Variants in CTH observed in about 807,000 individuals in gnomAD.
The protein encoded by CTH is cystathionine gamma-lyase.
Under a neutral mutation model 50.6 loss-of-function variants are expected in CTH, and 41 were observed. The observed-to-expected ratio is 0.81, with a 90% confidence interval of 0.63 to 1.05. The LOEUF is 1.05. Ranked by LOEUF, CTH falls within the 50% of genes least tolerant of loss-of-function variation. The pLI is 0.00. For synonymous variants in CTH, 156 were observed against 168.9 expected (o/e 0.92, Z 0.59); for missense variants, 470 against 492.6 (o/e 0.95, Z 0.43).
intron 6 of CTH, 124 bp downstream of exon 6, chr1:70,429,975 A>T: frequency 1.4e-6 from 1 of 710,370 alleles, no homozygotes. Context: ...AGAGAGTAAA[A>T]AAAAAAATCC....
In CTH at chr1:70,438,695, A is replaced by ATGAC; in HGVS notation, c.1062_1065dup (p.His356AspfsTer7). 1 of 1,614,110 alleles carries ATGAC rather than the reference A, an allele frequency of 6.2e-7. No individual in the cohort carries two copies. Among genetic ancestry groups the ATGAC allele is most frequent in the Non-Finnish European group, 8.5e-7 (1 of 1,180,006 alleles). ...GCTCATGTCTTCTTTCAGGGCAATC[A>ATGAC]TGACTCATGCATCAGTTCTTAAGAA... is the stretch of plus-strand genomic sequence containing the variant. On this transcript the variant is annotated frameshift_variant, in exon 11 of 12. Coordinates refer to ENST00000370938, the MANE Select transcript of CTH (RefSeq NM_001902.6). LOFTEE classifies it high-confidence loss of function.
chr1:70,419,333 A>G (rs1179000858), intron 3 of CTH, among the ~76,000 whole-genome samples: 1 of 152,192 alleles, frequency 6.6e-6, no homozygotes, highest in African/African-American at 2.4e-5. Flanking sequence ...CTTTGGGTAT[A>G]TACCCAGTAA....
At chr1:70,430,806 G>C (rs1684455894) in intron 7 of CTH, 1 of 154,100 alleles carries the variant, frequency 6.5e-6, no homozygotes, top group Non-Finnish European at 1.4e-5. Flanking sequence ...GCCTCCCAAA[G>C]TGTTGGGATT....
intron 4 of CTH, among the ~76,000 whole-genome samples, chr1:70,422,057 T>C (rs1684236633): frequency 6.6e-6 from 1 of 152,214 alleles, no homozygotes; most frequent in South Asian, 2.1e-4. Context: ...ATGGTAATTG[T>C]TAAAAAAATT....
intron 3 of CTH, among the ~76,000 whole-genome samples, chr1:70,418,849 A>T (rs1186953621): frequency 6.6e-6 from 1 of 152,116 alleles, no homozygotes; most frequent in East Asian, 1.9e-4. Flanking sequence ...CTGAGTGATT[A>T]GCATTTTAAT....
At chr1:70,430,135 GT>G (rs1684431784) in intron 6 of CTH, among the ~76,000 whole-genome samples, 181 bp from the exon 7 acceptor site, 1 of 152,038 alleles carries the variant, frequency 6.6e-6, no homozygotes, top group Admixed American at 6.6e-5. Context: ...TTATTTTCTT[GT>G]TTTAGACATA....
Position 70,438,825 on chromosome 1 carries a change from C to A in CTH, c.1190C>A (p.Ala397Glu). The change falls in exon 11 of 12, where the codon GCA (alanine) becomes GAA (glutamate). Residue 397 changes from alanine (A) to glutamate (E), a missense_variant and splice_region_variant. Physicochemically the swap from Ala to Glu is moderately radical, Grantham distance 107 (BLOSUM62 -1). Transcript: ENST00000370938. Reference protein sequence around the residue: ...LEDLDQALKAAHPPSGSHS With the variant: ...LEDLDQALKAEHPPSGSHS ...GATCTAGATCAAGCTTTGAAGGCAG[C>A]AGTAAGTCTTATTATTGTGTGTGTG... is the stretch of plus-strand genomic sequence containing the variant. 1.2e-6 allele frequency: 2 copies of A among 1,602,576 alleles called. No individual in the cohort carries two copies. Among genetic ancestry groups the A allele is most frequent in the Non-Finnish European group, 1.7e-6 (2 of 1,177,758 alleles).
At position 70,414,128 on chromosome 1, in the gene CTH, CT is replaced by C. The variant is rs577575641; in HGVS notation, c.169-1816del. Among the ~76,000 whole-genome samples, 1,116 of 145,404 alleles carry C rather than the reference CT, an allele frequency of 7.7e-3. 9 individuals are homozygous for C. The highest frequency in any genetic ancestry group is 0.029 in the Middle Eastern group (8 of 276). On this transcript the variant is annotated intron_variant, in intron 1 of 11. Coordinates refer to ENST00000370938, the MANE Select transcript of CTH (RefSeq NM_001902.6). The stretch of plus-strand genomic sequence containing the variant: ...GTGGCAGAAGCCACGTGAATCCAAA[CT>C]TTTTTTTTTTTAATCTGCAGGGTAC...
At chr1:70,420,513 C>G (rs1684191976) in intron 3 of CTH, among the ~76,000 whole-genome samples, 1 of 152,134 alleles carries the variant, frequency 6.6e-6, no homozygotes, top group Admixed American at 6.5e-5. Context: ...GATGCTGCCG[C>G]TGATTTGACA....
chr1:70,433,772 C>T (rs367890728), intron 8 of CTH, 56 bp from the exon 9 acceptor site: 3 of 1,610,394 alleles, frequency 1.9e-6, no homozygotes, highest in Middle Eastern at 1.7e-4. Flanking sequence ...ACCCTCCCCC[C>T]CCAAAAATTA....
At chr1:70,438,051 A>C (rs1684634865) in intron 10 of CTH, among the ~76,000 whole-genome samples, 1 of 152,024 alleles carries the variant, frequency 6.6e-6, no homozygotes, top group Non-Finnish European at 1.5e-5. Flanking sequence ...TGGTTTCCCA[A>C]TTTTTACTGC....
chr1:70,415,524 A>G (rs1684071646), intron 1 of CTH, among the ~76,000 whole-genome samples: 1 of 152,242 alleles, frequency 6.6e-6, no homozygotes, highest in African/African-American at 2.4e-5. Context: ...AGATTAATGA[A>G]AAAAGGTGAG....
intron 2 of CTH, 91 bp from the exon 3 acceptor site, chr1:70,417,845 CT>C (rs771308286): frequency 4.3e-6 from 6 of 1,392,596 alleles, no homozygotes; most frequent in Non-Finnish European, 6.1e-6. Context: ...GGCTTCCTAT[CT>C]GCATTAAAGT....
chr1:70,427,834 T>C (rs961770260), intron 5 of CTH, among the ~76,000 whole-genome samples: 1 of 152,156 alleles, frequency 6.6e-6, no homozygotes, highest in Non-Finnish European at 1.5e-5. Context: ...TGTCTCAGCC[T>C]CCCGAGTAGC....
intron 8 of CTH, 107 bp from the exon 9 acceptor site, chr1:70,433,721 T>C: frequency 6.6e-7 from 1 of 1,520,676 alleles, no homozygotes. Context: ...ATAATCCTCG[T>C]CTTAGGCTTA....
intron 5 of CTH, among the ~76,000 whole-genome samples, chr1:70,429,229 T>A (rs1017194268): frequency 1.1e-4 from 17 of 152,338 alleles, no homozygotes; most frequent in African/African-American, 4.1e-4. Context: ...TTTTTCCAAG[T>A]ATTTTTTTAC....
Position 70,421,234 on chromosome 1 carries a change from G to A in CTH, c.347-332G>A, listed in dbSNP as rs74085250. Among the ~76,000 whole-genome samples the A allele has an allele frequency of 5.8e-3, 890 of 152,248 alleles. 2 individuals are homozygous for A. Among genetic ancestry groups the A allele is most frequent in the African/African-American group, 0.02 (826 of 41,556 alleles). ...ACATTGATTCATTTAGTTTAGAGTTGAGAACTAGGTAGAAATTGTTTGAAA... is the reference window on the plus strand; with the variant it reads ...ACATTGATTCATTTAGTTTAGAGTTAAGAACTAGGTAGAAATTGTTTGAAA... On this transcript the variant is annotated intron_variant, in intron 3 of 11. Transcript: ENST00000370938.
At chr1:70,433,082 AC>A (rs1684516758) in intron 8 of CTH, among the ~76,000 whole-genome samples, 2 of 152,002 alleles carry the variant, frequency 1.3e-5, no homozygotes, top group African/African-American at 4.8e-5. Flanking sequence ...CTTACATCTT[AC>A]TTTTTGAATT....
At chr1:70,435,942 A>T (rs1304871136) in intron 10 of CTH, among the ~76,000 whole-genome samples, 1 of 152,184 alleles carries the variant, frequency 6.6e-6, no homozygotes, top group East Asian at 1.9e-4. Context: ...AGGTGCTTGG[A>T]TCTAGATTTG....
Sources: allele counts gnomAD v4.1 joint callset (sites outside exome capture counted in the v4.1 genomes callset), GRCh38; gene constraint gnomAD v4.1.1; transcripts MANE v1.5; gene names NCBI Gene and HGNC (gene_info 2026-07-23, HGNC 2026-07-21).